The following DLG2 variants were observed in gnomAD, a reference collection of about 807,000 sequenced individuals.
DLG2 encodes the protein disks large homolog 2.
Under a neutral mutation model 132.5 loss-of-function variants are expected in DLG2, and 45 were observed. That is an observed-to-expected ratio of 0.34 (90% confidence interval 0.27 to 0.44). The LOEUF is 0.44. Ranked by LOEUF, DLG2 falls within the 20% of genes least tolerant of loss-of-function variation. The pLI, the probability that DLG2 is intolerant of heterozygous loss-of-function variation, is 1.00. For synonymous variants in DLG2, 424 were observed against 419.6 expected, an observed-to-expected ratio of 1.01 and a Z score of -0.13; for missense variants, 1,045 against 1,196.9, an observed-to-expected ratio of 0.87 and a Z score of 1.87.
At chr11:85,112,132 C>T (rs1385593324) in intron 5 of DLG2, among the ~76,000 whole-genome samples, 1 of 152,056 alleles carries the variant, frequency 6.6e-6, no homozygotes. Flanking sequence ...GTTTATTTGT[C>T]TCTGTTTCCA....
At chr11:85,260,364 A>G (rs892229083) in intron 4 of DLG2, among the ~76,000 whole-genome samples, 2 of 152,190 alleles carry the variant, frequency 1.3e-5, no homozygotes, top group African/African-American at 4.8e-5. Flanking sequence ...AATGAAATTG[A>G]TTGTTAAACA....
intron 6 of DLG2, among the ~76,000 whole-genome samples, chr11:84,727,434 T>C (rs2153807078): frequency 6.6e-6 from 1 of 152,302 alleles, no homozygotes. Context: ...GAGGCCTCTG[T>C]TCTGTTCCAT....
Position 83,753,219 on chromosome 11 carries a change from T to C in DLG2, c.1825+33471A>G, listed in dbSNP as rs535176488. Among the ~76,000 whole-genome samples, 58 of 152,062 alleles carry C rather than the reference T, an allele frequency of 3.8e-4. 1 individual carries two copies. In the South Asian group the frequency reaches 0.012, roughly 31 times the overall value. On this transcript the variant is annotated intron_variant, in intron 18 of 27. Transcript: ENST00000376104. ...GGGTGGATCACTTGAGGTTAGGAGTTTGAGACCAGCCTGGCCAACATGGAG... is the reference window on the plus strand; with the variant it reads ...GGGTGGATCACTTGAGGTTAGGAGTCTGAGACCAGCCTGGCCAACATGGAG...
intron 6 of DLG2, among the ~76,000 whole-genome samples, chr11:84,641,147 C>T (rs2099662473): frequency 6.6e-6 from 1 of 152,126 alleles, no homozygotes; most frequent in African/African-American, 2.4e-5. Flanking sequence ...AGAGAACAGA[C>T]CTTGAATCCA....
At chr11:83,960,885 G>A (rs1260509669) in intron 14 of DLG2, among the ~76,000 whole-genome samples, 2 of 151,922 alleles carry the variant, frequency 1.3e-5, no homozygotes, top group Non-Finnish European at 2.9e-5. Context: ...TTATGTGTGT[G>A]AACTAACATA....
At chr11:85,334,432 T>C (rs1430253835) in intron 3 of DLG2, among the ~76,000 whole-genome samples, 1 of 152,154 alleles carries the variant, frequency 6.6e-6, no homozygotes, top group African/African-American at 2.4e-5. Flanking sequence ...TCAATTTTGT[T>C]GTATTAAGTT....
chr11:85,586,793 C>T (rs932012444), intron 3 of DLG2, among the ~76,000 whole-genome samples: 2 of 151,930 alleles, frequency 1.3e-5, no homozygotes, highest in Admixed American at 1.3e-4. Context: ...CTTTAGATTG[C>T]CTATTTATGC....
At chr11:85,089,365 A>G (rs1189333307) in intron 6 of DLG2, among the ~76,000 whole-genome samples, 1 of 152,166 alleles carries the variant, frequency 6.6e-6, no homozygotes, top group Admixed American at 6.5e-5. Context: ...GCTCCCACTT[A>G]TAAGTGGGAA....
chr11:85,345,433 A>C (rs924036550), intron 3 of DLG2, among the ~76,000 whole-genome samples: 2 of 152,166 alleles, frequency 1.3e-5, no homozygotes, highest in Non-Finnish European at 2.9e-5. Context: ...CCACTACCAG[A>C]TGTCAGGTAG....
chr11:83,990,033 C>T lies in DLG2; in HGVS notation c.920-9391G>A, dbSNP rs144784714. Among the ~76,000 whole-genome samples, 89 of 152,202 alleles carry T rather than the reference C, an allele frequency of 5.8e-4. 1 individual carries two copies. Among genetic ancestry groups the T allele is most frequent in the African/African-American group, 2.0e-3 (84 of 41,546 alleles). Reference sequence around the variant, plus strand: ...AGAGTTGGTAGTTCTCACCCCAAAACGCTGATTATAACACCACCTACTGTG... The same window carrying T: ...AGAGTTGGTAGTTCTCACCCCAAAATGCTGATTATAACACCACCTACTGTG... On this transcript the variant is annotated intron_variant, in intron 11 of 27. Coordinates refer to ENST00000376104, the MANE Select transcript of DLG2 (RefSeq NM_001142699.3).
In DLG2 at chr11:85,041,769, G is replaced by A. The variant is rs146578754; in HGVS notation, c.357+69892C>T. 3.8e-4 allele frequency among the ~76,000 whole-genome samples: 57 copies of A among 151,976 alleles called. No individual in the cohort carries two copies. The South Asian group carries it at 5.2e-3, about 14-fold the overall frequency. On this transcript the variant is annotated intron_variant, in intron 6 of 27. Coordinates refer to ENST00000376104, the MANE Select transcript of DLG2 (RefSeq NM_001142699.3). Reference sequence around the variant, plus strand: ...GATAAACTGAGTACAAGGAGTTAGCGATAGGGAAGAGAAAGGAAGAACTCT... The same window carrying A: ...GATAAACTGAGTACAAGGAGTTAGCAATAGGGAAGAGAAAGGAAGAACTCT...
chr11:83,579,696 T>A lies in DLG2; in HGVS notation c.1941-37838A>T, dbSNP rs184941568. 3.0e-3 allele frequency among the ~76,000 whole-genome samples: 462 copies of A among 151,742 alleles called. 4 individuals carry two copies. The highest frequency in any genetic ancestry group is 5.2e-3 in the Non-Finnish European group (354 of 67,864). On this transcript the variant is annotated intron_variant, in intron 19 of 27. Transcript: ENST00000376104. ...AATAAATAAGTAAATTTGGGCCAGG[T>A]GTGGTGGCTCACACCTGTAATCCCA...
chr11:84,345,546 C>T (rs1261710000), intron 7 of DLG2, among the ~76,000 whole-genome samples: 1 of 152,160 alleles, frequency 6.6e-6, no homozygotes, highest in African/African-American at 2.4e-5. Flanking sequence ...GGTGTAATAT[C>T]CCAAGAGAAA....
At chr11:83,872,815 C>G (rs1351239526) in intron 16 of DLG2, among the ~76,000 whole-genome samples, 2 of 152,180 alleles carry the variant, frequency 1.3e-5, no homozygotes, top group South Asian at 4.1e-4. Flanking sequence ...ACCCTGAGCC[C>G]TGCCAAGAGA....
At chr11:84,042,560 C>T (rs1487053975) in intron 11 of DLG2, among the ~76,000 whole-genome samples, 1 of 151,712 alleles carries the variant, frequency 6.6e-6, no homozygotes, top group African/African-American at 2.4e-5. Flanking sequence ...TTATATGTCT[C>T]TTGGTAGCAT....
intron 5 of DLG2, among the ~76,000 whole-genome samples, chr11:85,123,212 C>T (rs1010373019): frequency 3.7e-4 from 56 of 151,158 alleles, no homozygotes; most frequent in Non-Finnish European, 2.1e-4. Flanking sequence ...TTCCTGACCT[C>T]GTGATCCGCC....
intron 6 of DLG2, among the ~76,000 whole-genome samples, chr11:84,683,323 C>T (rs2099735177): frequency 6.6e-6 from 1 of 152,122 alleles, no homozygotes; most frequent in Admixed American, 6.5e-5. Context: ...TCTCCTATGC[C>T]TGTGGGTTGA....
rs564095288 is a variant in DLG2, at chr11:84,796,839, T to TTTTA, written c.358-262112_358-262109dup. On this transcript the variant is annotated intron_variant, in intron 6 of 27. Transcript: ENST00000376104. ...TTATGATTTTTTATTTTTTATTATA[T>TTTTA]TTTATTTATTTATTTATTTATTTAG... Among the ~76,000 whole-genome samples the TTTTA allele has an allele frequency of 6.7e-3, 1,001 of 149,836 alleles. 12 individuals are homozygous for TTTTA. The highest frequency in any genetic ancestry group is 0.022 in the African/African-American group (905 of 40,632).
intron 7 of DLG2, among the ~76,000 whole-genome samples, chr11:84,300,455 C>G (rs974338491): frequency 1.3e-5 from 2 of 152,108 alleles, no homozygotes; most frequent in Non-Finnish European, 2.9e-5. Context: ...TCACTCATGA[C>G]GATGGTTAAG....
Sources: gnomAD v4.1 joint callset for allele counts (sites outside exome capture counted in the v4.1 genomes callset) on GRCh38, gnomAD v4.1.1 for gene constraint, MANE v1.5 for transcripts, NCBI Gene and HGNC (gene_info 2026-07-23, HGNC 2026-07-21) for gene names.